KAT8: variants seen among roughly 807,000 people sequenced by gnomAD.
KAT8 encodes histone acetyltransferase KAT8.
In KAT8, 40 loss-of-function variants were observed where a neutral mutation model predicts 62.9. That is an observed-to-expected ratio of 0.64 (90% CI 0.49 to 0.83). The LOEUF is 0.83. Among genes scored for constraint, KAT8 ranks in the 40% least tolerant of loss-of-function variants. The pLI is 0.00. For missense variants in KAT8, 387 were observed against 614.8 expected, an observed-to-expected ratio of 0.63 and a Z score of 3.92; for synonymous variants, 278 against 254.5, an observed-to-expected ratio of 1.09 and a Z score of -0.88.
At chr16:31,119,228 C>T (rs919477568) in intron 1 of KAT8, among the ~76,000 whole-genome samples, 15 of 152,156 alleles carry the variant, frequency 9.9e-5, no homozygotes, top group Admixed American at 4.6e-4. Context: ...TGGCTCACTG[C>T]GATCTCTGCC....
chr16:31,122,340 C>G (rs1424422387), intron 3 of KAT8: 1 of 152,158 alleles, frequency 6.6e-6, no homozygotes, highest in Non-Finnish European at 1.5e-5. Context: ...CCAGCCTTAC[C>G]TTCCCGATGA....
In KAT8 at chr16:31,130,930, C is replaced by T. The variant is rs370051421; in HGVS notation, c.1312+30C>T. On this transcript the variant is annotated intron_variant, in intron 10 of 10. Transcript: ENST00000219797. ...GTGGGGGGCTGCTGTGTGTCGGGGG[C>T]GGTGGGGGAGTGTCAGTATATGGAC... is the stretch of plus-strand genomic sequence containing the variant. 45 of 973,046 alleles carry T rather than the reference C, an allele frequency of 4.6e-5. 1 individual carries two copies. Among genetic ancestry groups the T allele is most frequent in the African/African-American group, 1.0e-4 (5 of 47,982 alleles). 60.3% of individuals were successfully genotyped at this position (973,046 alleles called of 1,614,324 possible). A position where few individuals can be genotyped will look rare whatever the true frequency, so the allele number is the denominator to read the frequency against.
At chr16:31,121,529 TC>T (rs563607398) in intron 3 of KAT8, among the ~76,000 whole-genome samples, 113 of 152,228 alleles carry the variant, frequency 7.4e-4, no homozygotes, top group African/African-American at 2.6e-3. Context: ...AGGAATTTGA[TC>T]AACCAGCTAA....
chr16:31,129,666 A>G (rs989753304), intron 6 of KAT8, among the ~76,000 whole-genome samples: 4 of 152,216 alleles, frequency 2.6e-5, no homozygotes, highest in Non-Finnish European at 5.9e-5. Context: ...GGACACAGCC[A>G]TGAACAGGAC....
chr16:31,128,442 G>T (rs541881705), intron 6 of KAT8, among the ~76,000 whole-genome samples: 2 of 152,284 alleles, frequency 1.3e-5, no homozygotes, highest in East Asian at 3.9e-4. Flanking sequence ...CTACTCGGGA[G>T]GCTGAGGCAC....
At chr16:31,119,693 C>G (rs2057478814) in intron 1 of KAT8, among the ~76,000 whole-genome samples, 1 of 152,054 alleles carries the variant, frequency 6.6e-6, no homozygotes, top group Non-Finnish European at 1.5e-5. Flanking sequence ...GGCCACAGTG[C>G]AGTGGTACAA....
chr16:31,129,031 C>T (rs2038579708), intron 6 of KAT8, among the ~76,000 whole-genome samples: 1 of 152,250 alleles, frequency 6.6e-6, no homozygotes, highest in Non-Finnish European at 1.5e-5. Context: ...GTCACTTCCT[C>T]ACTGACCACA....
chr16:31,131,137 C>T, intron 10 of KAT8, 58 bp from the exon 11 acceptor site: 1 of 1,604,080 alleles, frequency 6.2e-7, no homozygotes, highest in East Asian at 2.3e-5. Flanking sequence ...GGAGGGCAGC[C>T]AGGTGTGAGC....
chr16:31,126,937 G>T (rs187590315), intron 3 of KAT8, 98 bp from the exon 4 acceptor site: 19 of 1,292,988 alleles, frequency 1.5e-5, no homozygotes, highest in Middle Eastern at 1.9e-4. Flanking sequence ...CAGGAATGAG[G>T]TCTGGTAGAC....
At position 31,130,375 on chromosome 16, in the gene KAT8, G is replaced by T; in HGVS notation, c.1006+15G>T. On this transcript the variant is annotated intron_variant, in intron 8 of 10. Transcript: ENST00000219797. ...CATCGCTTTCAGTGAGTGGTTCCTG[G>T]CCTGTCTGGGAGGGGGAGACCTGTG... 2 of 1,614,204 alleles carry T rather than the reference G, an allele frequency of 1.2e-6. No individual in the cohort carries two copies.
intron 3 of KAT8, chr16:31,125,680 A>AT (rs2057527363): frequency 6.6e-6 from 1 of 152,058 alleles, no homozygotes; most frequent in African/African-American, 2.4e-5. Context: ...CCATATAAAC[A>AT]TATAGGCACA....
intron 6 of KAT8, among the ~76,000 whole-genome samples, 169 bp from the exon 7 acceptor site, chr16:31,129,848 C>T (rs2057560085): frequency 6.6e-6 from 1 of 152,238 alleles, no homozygotes; most frequent in Non-Finnish European, 1.5e-5. Context: ...GTTGCTCTCT[C>T]ATTTCCAGTT....
chr16:31,128,265 G>A (rs903328452), intron 6 of KAT8, 126 bp downstream of exon 6: 6 of 733,748 alleles, frequency 8.2e-6, no homozygotes, highest in Non-Finnish European at 1.4e-5. Flanking sequence ...TGCCTCTGAG[G>A]GGCCGGGCAC....
Position 31,120,170 on chromosome 16 carries a change from C to T in KAT8, c.212-16C>T, listed in dbSNP as rs778551336. The T allele has an allele frequency of 2.5e-6, 4 of 1,611,186 alleles. No homozygotes were observed. The South Asian group carries it at 4.4e-5, about 18-fold the overall frequency. ...AGCCTTACCTTCCTGATGACCCTAG[C>T]CTTTTTCCATCACAGATTCTGCTGA... is the stretch of plus-strand genomic sequence containing the variant. On this transcript the variant is annotated splice_polypyrimidine_tract_variant and intron_variant, in intron 1 of 10. Transcript: ENST00000219797.
intron 3 of KAT8, 42 bp downstream of exon 3, chr16:31,120,556 T>A (rs764986949): frequency 1.9e-6 from 3 of 1,568,934 alleles, no homozygotes; most frequent in Non-Finnish European, 2.6e-6. Flanking sequence ...AGGCCCAGCT[T>A]CTCTGCCAGT....
chr16:31,131,297 C>T lies in KAT8; in HGVS notation c.*38C>T. The T allele has an allele frequency of 1.2e-6, 2 of 1,612,146 alleles. No individual in the cohort carries two copies. Among genetic ancestry groups the T allele is most frequent in the Non-Finnish European group, 1.7e-6 (2 of 1,178,670 alleles). On this transcript the variant is annotated 3_prime_UTR_variant, in exon 11 of 11. Transcript: ENST00000219797. ...CTGCTGTCGGACCTGAGCCTCCTGG[C>T]TCCCAGCCTGTAAATATGTATAGAC...
At position 31,117,808 on chromosome 16, in the gene KAT8, C is replaced by T. The variant is rs1001232586; in HGVS notation, c.127C>T (p.Pro43Ser). The change falls in exon 1 of 11, where the codon CCG becomes TCG. Residue 43 changes from proline (P) to serine (S), a missense_variant. Pro to Ser is a moderately conservative substitution (Grantham distance 74, BLOSUM62 -1). Coordinates refer to ENST00000219797, the MANE Select transcript of KAT8 (RefSeq NM_032188.3). ...GTAPSPGRVS[P>S]PTPARGEPEV... The stretch of plus-strand genomic sequence containing the variant: ...CGCCCCATCCCCGGGCCGCGTCTCT[C>T]CGCCGACCCCGGCGCGCGGCGAGCC... 4.2e-6 allele frequency: 6 copies of T among 1,430,666 alleles called. No individual in the cohort carries two copies. The highest frequency in any genetic ancestry group is 5.5e-6 in the Non-Finnish European group (6 of 1,082,252). The allele number at this position is 1,430,666 out of a possible 1,614,324, so 88.6% of individuals were successfully genotyped here.
chr16:31,118,709 C>T (rs1248896484), intron 1 of KAT8: 2 of 152,088 alleles, frequency 1.3e-5, no homozygotes, highest in Non-Finnish European at 2.9e-5. Context: ...GGCAGCACTT[C>T]TTGTGATTCA....
chr16:31,118,062 C>T, intron 1 of KAT8, 170 bp downstream of exon 1: 1 of 494,810 alleles, frequency 2.0e-6, no homozygotes, highest in Non-Finnish European at 3.3e-6. Context: ...AGAAACCAGC[C>T]GGGTTGTGGG....
Sources: gnomAD v4.1 joint callset for allele counts (sites outside exome capture counted in the v4.1 genomes callset) on GRCh38, gnomAD v4.1.1 for gene constraint, MANE v1.5 for transcripts, NCBI Gene and HGNC (gene_info 2026-07-23, HGNC 2026-07-21) for gene names.